Variants in SLC10A7 observed in about 807,000 individuals in gnomAD.
The protein encoded by SLC10A7 is solute carrier family 10 member 7.
Under a neutral mutation model 43.2 loss-of-function variants are expected in SLC10A7, and 29 were observed. That is an observed-to-expected ratio of 0.67 (90% CI 0.50 to 0.92). The LOEUF is 0.92. Among genes scored for constraint, SLC10A7 ranks in the 40% least tolerant of loss-of-function variants. The pLI is 0.00. For missense variants in SLC10A7, 295 were observed against 403.2 expected (o/e 0.73, Z 2.30); for synonymous variants, 152 against 144.8 (o/e 1.05, Z -0.35).
At chr4:146,347,473 C>T (rs566938996) in intron 5 of SLC10A7, among the ~76,000 whole-genome samples, 113 of 152,180 alleles carry the variant, frequency 7.4e-4, no homozygotes, top group African/African-American at 2.6e-3. Context: ...TCAGCAAAAC[C>T]GAATGTTACC....
At chr4:146,469,660 CCT>C (rs1195472287) in intron 4 of SLC10A7, among the ~76,000 whole-genome samples, 1 of 152,064 alleles carries the variant, frequency 6.6e-6, no homozygotes, top group African/African-American at 2.4e-5. Flanking sequence ...ATTGGGTCTT[CCT>C]CTGTCACCCA....
At chr4:146,468,073 G>T (rs1437478209) in intron 4 of SLC10A7, among the ~76,000 whole-genome samples, 1 of 152,136 alleles carries the variant, frequency 6.6e-6, no homozygotes, top group African/African-American at 2.4e-5. Context: ...AGTTTACCTA[G>T]GTCTGAATGC....
chr4:146,352,557 C>T (rs1245178141), intron 5 of SLC10A7, among the ~76,000 whole-genome samples: 1 of 151,326 alleles, frequency 6.6e-6, no homozygotes, highest in East Asian at 1.9e-4. Flanking sequence ...CTACAGAACT[C>T]TCCACCCCAA....
At chr4:146,303,509 C>A (rs1731303908) in intron 7 of SLC10A7, among the ~76,000 whole-genome samples, 1 of 151,774 alleles carries the variant, frequency 6.6e-6, no homozygotes, top group South Asian at 2.1e-4. Flanking sequence ...TCCTGAGTAA[C>A]TGGGACCACC....
At chr4:146,424,122 G>A (rs1729146969) in intron 5 of SLC10A7, among the ~76,000 whole-genome samples, 1 of 152,192 alleles carries the variant, frequency 6.6e-6, no homozygotes, top group African/African-American at 2.4e-5. Context: ...CAGAATCACG[G>A]CTCACTGCAG....
rs1733062696 is a variant in SLC10A7, at chr4:146,325,814, A to ACC, written c.471+146_471+147insGG. The ACC allele has an allele frequency of 1.2e-5, 9 of 721,838 alleles. 1 individual carries two copies. In the East Asian group the frequency reaches 2.3e-4, roughly 18 times the overall value. 44.7% of individuals were successfully genotyped at this position (721,838 alleles called of 1,614,324 possible). On this transcript the variant is annotated intron_variant, in intron 6 of 11. Transcript: ENST00000335472. ...TTATGAAGCTTCTTCGTATCTGAAT[A>ACC]TTATTATGCGGTACAGCTAAACTGG... is the stretch of plus-strand genomic sequence containing the variant.
At chr4:146,277,952 T>C (rs2111089735) in intron 10 of SLC10A7, among the ~76,000 whole-genome samples, 1 of 152,334 alleles carries the variant, frequency 6.6e-6, no homozygotes, top group East Asian at 1.9e-4. Flanking sequence ...ATTTTAGAAC[T>C]GTCTTATAAC....
intron 10 of SLC10A7, among the ~76,000 whole-genome samples, chr4:146,268,622 T>C (rs1277599172): frequency 6.6e-6 from 1 of 152,194 alleles, no homozygotes; most frequent in East Asian, 1.9e-4. Context: ...TCTGAGAGTG[T>C]ACAAGCATCA....
At chr4:146,433,514 A>G (rs182218370) in intron 5 of SLC10A7, among the ~76,000 whole-genome samples, 31 of 152,316 alleles carry the variant, frequency 2.0e-4, no homozygotes, top group Non-Finnish European at 4.0e-4. Flanking sequence ...AGAAAAAAAC[A>G]ATACCCAGAA....
intron 5 of SLC10A7, among the ~76,000 whole-genome samples, chr4:146,326,776 T>C (rs556212927): frequency 3.6e-4 from 55 of 152,306 alleles, no homozygotes; most frequent in African/African-American, 1.3e-3. Context: ...CCCGTTTTAG[T>C]TTTTCCTTTG....
At chr4:146,378,035 T>C (rs1737330819) in intron 5 of SLC10A7, among the ~76,000 whole-genome samples, 1 of 152,210 alleles carries the variant, frequency 6.6e-6, no homozygotes, top group Non-Finnish European at 1.5e-5. Flanking sequence ...TCATGCTGTC[T>C]CTATTCTTAG....
rs116594606 is a variant in SLC10A7, at chr4:146,288,726, G to T, written c.773+4203C>A. Among the ~76,000 whole-genome samples the T allele has an allele frequency of 6.5e-3, 984 of 152,132 alleles. 11 individuals are homozygous for T. Among genetic ancestry groups the T allele is most frequent in the African/African-American group, 0.023 (952 of 41,490 alleles). On this transcript the variant is annotated intron_variant, in intron 9 of 11. Transcript: ENST00000335472. The stretch of plus-strand genomic sequence containing the variant: ...TCTCACTGATTAACATCTCTATTGG[G>T]TCTGCTCACATTCTTGAAAGGAATC...
chr4:146,320,220 T>A (rs773221054), intron 6 of SLC10A7, among the ~76,000 whole-genome samples: 1 of 152,092 alleles, frequency 6.6e-6, no homozygotes, highest in Non-Finnish European at 1.5e-5. Flanking sequence ...TGCTCCAGCA[T>A]GTTCAGGTAC....
chr4:146,379,960 T>C (rs905781347), intron 5 of SLC10A7, among the ~76,000 whole-genome samples: 3 of 139,004 alleles, frequency 2.2e-5, no homozygotes, highest in African/African-American at 9.4e-5. Flanking sequence ...TCTCTCTCTC[T>C]GTGTGTGTGT....
chr4:146,395,328 T>A (rs1560867711), intron 5 of SLC10A7, among the ~76,000 whole-genome samples: 1 of 152,182 alleles, frequency 6.6e-6, no homozygotes, highest in Non-Finnish European at 1.5e-5. Flanking sequence ...AGTTCGAGGC[T>A]GCAGTGTGCC....
chr4:146,299,574 G>T (rs1731017656), intron 7 of SLC10A7, among the ~76,000 whole-genome samples: 1 of 152,158 alleles, frequency 6.6e-6, no homozygotes, highest in Non-Finnish European at 1.5e-5. Flanking sequence ...AACGGCCAGT[G>T]CAAAGGTTCT....
chr4:146,391,603 A>G (rs1401858095), intron 5 of SLC10A7, among the ~76,000 whole-genome samples: 1 of 152,234 alleles, frequency 6.6e-6, no homozygotes, highest in East Asian at 1.9e-4. Flanking sequence ...TGTTAGGGAC[A>G]GAGGTGTATA....
At chr4:146,339,298 G>A (rs4835296) in intron 5 of SLC10A7, among the ~76,000 whole-genome samples, 33,893 of 151,854 alleles carry the variant, frequency 0.22, 4,051 homozygotes, top group African/African-American at 0.31. Flanking sequence ...GTGTCTAAAT[G>A]ATGGCACACA....
chr4:146,409,352 CA>C (rs1727970895), intron 5 of SLC10A7, among the ~76,000 whole-genome samples: 1 of 141,926 alleles, frequency 7.0e-6, no homozygotes, highest in Non-Finnish European at 1.5e-5. Flanking sequence ...AAAAAAGCCA[CA>C]CTGTCAAACT....
Sources: allele counts gnomAD v4.1 joint callset (sites outside exome capture counted in the v4.1 genomes callset), GRCh38; gene constraint gnomAD v4.1.1; transcripts MANE v1.5; gene names NCBI Gene and HGNC (gene_info 2026-07-23, HGNC 2026-07-21).